Variants in PRTFDC1 observed in about 807,000 individuals in gnomAD.
PRTFDC1 encodes phosphoribosyltransferase domain-containing protein 1.
A neutral mutation model predicts 34.6 loss-of-function variants in PRTFDC1; 38 were observed. The observed-to-expected ratio is 1.10, with a 90% CI of 0.85 to 1.44. The LOEUF is 1.44. Among genes scored for constraint, PRTFDC1 ranks in the 40% most tolerant of loss-of-function variants. The pLI is 0.00. For missense variants in PRTFDC1, 270 were observed against 283.0 expected (o/e 0.95, Z 0.33); for synonymous variants, 93 against 98.1 (o/e 0.95, Z 0.31).
Position 24,855,371 on chromosome 10 carries a change from T to C in PRTFDC1, c.507-7A>G, listed in dbSNP as rs748284688. 1.9e-6 allele frequency: 3 copies of C among 1,613,902 alleles called. No individual in the cohort carries two copies. In the South Asian group the frequency reaches 3.3e-5, roughly 18 times the overall value. On this transcript the variant is annotated splice_polypyrimidine_tract_variant and splice_region_variant and intron_variant, in intron 6 of 8. Transcript: ENST00000320152. ...TGTTCTCTTCACCAACAAACTACCATTAAAAAAGACATGCTTTAGTGAACC... is the reference window on the plus strand; with the variant it reads ...TGTTCTCTTCACCAACAAACTACCACTAAAAAAGACATGCTTTAGTGAACC...
chr10:24,925,326 G>T (rs1848853035), intron 3 of PRTFDC1, among the ~76,000 whole-genome samples: 1 of 152,150 alleles, frequency 6.6e-6, no homozygotes, highest in Non-Finnish European at 1.5e-5. Context: ...TGGAGGGGGT[G>T]TCGGGGGCTG....
At chr10:24,880,068 C>T (rs1251328923) in intron 3 of PRTFDC1, among the ~76,000 whole-genome samples, 7 of 152,198 alleles carry the variant, frequency 4.6e-5, no homozygotes, top group Non-Finnish European at 7.4e-5. Context: ...AACCTTTCAG[C>T]GCTTCAGTTT....
intron 8 of PRTFDC1, 88 bp from the exon 9 acceptor site, chr10:24,849,979 C>T: frequency 3.4e-6 from 4 of 1,163,134 alleles, no homozygotes; most frequent in Non-Finnish European, 5.1e-6. Context: ...GAATGCCATC[C>T]TGTAATTGGC....
chr10:24,859,082 G>A lies in PRTFDC1; in HGVS notation c.406-673C>T, dbSNP rs1393269720. Among the ~76,000 whole-genome samples, 3 of 152,158 alleles carry A rather than the reference G, an allele frequency of 2.0e-5. No homozygotes were observed. In the East Asian group the frequency reaches 5.8e-4, roughly 29 times the overall value. ...TGTTGAAGTGTAATTCTCAGTGCTC[G>A]AGGCGGGGCCTGGTGGGAGGTGACT... On this transcript the variant is annotated intron_variant, in intron 4 of 8. Coordinates refer to ENST00000320152, the MANE Select transcript of PRTFDC1 (RefSeq NM_020200.7).
chr10:24,922,527 G>A (rs768282070), intron 3 of PRTFDC1, among the ~76,000 whole-genome samples: 2 of 152,168 alleles, frequency 1.3e-5, no homozygotes, highest in Non-Finnish European at 2.9e-5. Context: ...AGATCTGATG[G>A]TTTTATAAAG....
At chr10:24,908,675 C>T (rs765792186) in intron 3 of PRTFDC1, 31 of 1,603,428 alleles carry the variant, frequency 1.9e-5, no homozygotes, top group East Asian at 1.3e-4. Flanking sequence ...CCTCTTCAAC[C>T]GAGCACGCAG....
At chr10:24,869,014 C>T (rs1847833252) in intron 4 of PRTFDC1, among the ~76,000 whole-genome samples, 1 of 152,134 alleles carries the variant, frequency 6.6e-6, no homozygotes, top group Admixed American at 6.5e-5. Flanking sequence ...ATTGCCTTGA[C>T]TGTCTATTAT....
intron 3 of PRTFDC1, among the ~76,000 whole-genome samples, chr10:24,883,362 GCA>G (rs2132528737): frequency 6.6e-6 from 1 of 152,084 alleles, no homozygotes; most frequent in South Asian, 2.1e-4. Flanking sequence ...AATCCCCACT[GCA>G]CAGAGAAAGG....
chr10:24,923,489 C>T (rs577938435), intron 3 of PRTFDC1, among the ~76,000 whole-genome samples: 156 of 152,314 alleles, frequency 1.0e-3, no homozygotes, highest in Non-Finnish European at 5.9e-5. Flanking sequence ...TCTGCAGCCT[C>T]CGCTGGTGAT....
intron 3 of PRTFDC1, among the ~76,000 whole-genome samples, chr10:24,884,932 C>T (rs1249640331): frequency 1.3e-5 from 2 of 152,192 alleles, no homozygotes; most frequent in Non-Finnish European, 2.9e-5. Flanking sequence ...ACTCTCAGTG[C>T]TATTAAGAGC....
At chr10:24,944,466 T>A (rs1030012396) in intron 1 of PRTFDC1, among the ~76,000 whole-genome samples, 3 of 152,050 alleles carry the variant, frequency 2.0e-5, no homozygotes, top group Admixed American at 6.6e-5. Flanking sequence ...CCCCTCCACA[T>A]GGAAGCGGGC....
chr10:24,921,259 A>G (rs1338641717), intron 3 of PRTFDC1, among the ~76,000 whole-genome samples: 1 of 152,098 alleles, frequency 6.6e-6, no homozygotes, highest in Non-Finnish European at 1.5e-5. Flanking sequence ...CATTTCTCAG[A>G]TCTCTTACAC....
At chr10:24,855,671 T>G (rs887206831) in intron 6 of PRTFDC1, among the ~76,000 whole-genome samples, 14 of 152,140 alleles carry the variant, frequency 9.2e-5, no homozygotes, top group African/African-American at 3.4e-4. Flanking sequence ...GGCACCTGCC[T>G]GTAGTCCCAG....
At chr10:24,917,872 G>A (rs904348114) in intron 3 of PRTFDC1, among the ~76,000 whole-genome samples, 8 of 152,146 alleles carry the variant, frequency 5.3e-5, no homozygotes, top group South Asian at 2.1e-4. Flanking sequence ...TCACATGCCC[G>A]GCTGCTAAGG....
rs1013203107 is a variant in PRTFDC1 at position 24,884,744 on chromosome 10, C to T, written c.340-12681G>A. 3.3e-5 allele frequency among the ~76,000 whole-genome samples: 5 copies of T among 152,264 alleles called. No individual in the cohort carries two copies. The South Asian group carries it at 6.2e-4, about 19-fold the overall frequency. ...GGGCAGTGGTGGAGAAAAGAACAGC[C>T]TACCTGGGGAAACAGGCAAAGAGAA... On this transcript the variant is annotated intron_variant, in intron 3 of 8. Coordinates refer to ENST00000320152, the MANE Select transcript of PRTFDC1 (RefSeq NM_020200.7).
chr10:24,863,477 T>C (rs1328451707), intron 4 of PRTFDC1, among the ~76,000 whole-genome samples: 1 of 152,158 alleles, frequency 6.6e-6, no homozygotes, highest in Non-Finnish European at 1.5e-5. Flanking sequence ...AGAGCTCTGA[T>C]GGAGATGTTT....
chr10:24,915,240 G>C (rs956480075), intron 3 of PRTFDC1, among the ~76,000 whole-genome samples: 1 of 152,146 alleles, frequency 6.6e-6, no homozygotes, highest in Non-Finnish European at 1.5e-5. Context: ...TTATTCTAAA[G>C]TTTGTGTTTA....
intron 3 of PRTFDC1, among the ~76,000 whole-genome samples, chr10:24,919,547 C>T (rs1054561684): frequency 6.6e-6 from 1 of 152,162 alleles, no homozygotes; most frequent in Non-Finnish European, 1.5e-5. Context: ...AAAATCTAGG[C>T]AATACCAGTC....
chr10:24,897,350 C>T (rs1848384559), intron 3 of PRTFDC1, among the ~76,000 whole-genome samples: 1 of 152,154 alleles, frequency 6.6e-6, no homozygotes, highest in Non-Finnish European at 1.5e-5. Context: ...CTAAATTTAA[C>T]AAAAACCAAA....
Sources: allele counts gnomAD v4.1 joint callset (sites outside exome capture counted in the v4.1 genomes callset), GRCh38; gene constraint gnomAD v4.1.1; transcripts MANE v1.5; gene names NCBI Gene and HGNC (gene_info 2026-07-23, HGNC 2026-07-21).